Variants in LMO7 observed in about 807,000 individuals in gnomAD.
The protein encoded by LMO7 is LIM domain 7.
In LMO7, 120 loss-of-function variants were observed where a neutral mutation model predicts 206.5. That is an observed-to-expected ratio of 0.58 (90% CI 0.50 to 0.68). The LOEUF (loss-of-function observed/expected upper bound fraction) is 0.68. Among genes scored for constraint, LMO7 ranks in the 30% least tolerant of loss-of-function variants. The pLI, the probability that LMO7 is intolerant of heterozygous loss-of-function variation, is 0.00. For missense variants in LMO7, 1,959 were observed against 1,957.9 expected (o/e 1.00, Z -0.01); for synonymous variants, 706 against 681.5 (o/e 1.04, Z -0.56).
At chr13:75,632,312 T>C (rs1235041238), upstream of LMO7, among the ~76,000 whole-genome samples, 1 of 152,196 alleles carries the variant, frequency 6.6e-6, no homozygotes, top group African/African-American at 2.4e-5. Flanking sequence ...AAGCAGTGAT[T>C]GGTGCCTGAG....
In LMO7 at chr13:75,621,849, CAG is replaced by C. The variant is rs1566243335; in HGVS notation, c.159_160del (p.Arg53SerfsTer12). 6.3e-7 allele frequency: 1 copy of C among 1,598,240 alleles called. No individual in the cohort carries two copies. The highest frequency in any genetic ancestry group is 1.7e-5 in the Admixed American group (1 of 57,406). On this transcript the variant is annotated frameshift_variant, in exon 1 of 30. Coordinates refer to the LMO7 transcript ENST00000341547. LOFTEE classifies it high-confidence loss of function. ...GTGTGGGTTGGCTGTATCTCAGGGACAGAGTCTGCAGCAAAAAAGGTAATAAT... is the reference window on the plus strand; with the variant it reads ...GTGTGGGTTGGCTGTATCTCAGGGACAGTCTGCAGCAAAAAAGGTAATAAT...
chr13:75,755,260 TC>T (rs949502283), intron 3 of LMO7, among the ~76,000 whole-genome samples: 2 of 152,208 alleles, frequency 1.3e-5, no homozygotes, highest in African/African-American at 4.8e-5. Flanking sequence ...CCATGAAATG[TC>T]CACTTTATTT....
rs568006232 is a variant in LMO7 at position 75,823,378 on chromosome 13, A to G, written c.2641-187A>G. On this transcript the variant is annotated intron_variant, in intron 14 of 30. Transcript: ENST00000377534. ...TATGTGATATGAATGCTTTTGCTAA[A>G]ACAATTTTCCCTCACTACGTGTTTA... Among the ~76,000 whole-genome samples, 5 of 152,312 alleles carry G rather than the reference A, an allele frequency of 3.3e-5. No homozygotes were observed. The South Asian group carries it at 1.0e-3, about 32-fold the overall frequency.
intron 2 of LMO7, among the ~76,000 whole-genome samples, chr13:75,629,279 T>C (rs371639800): frequency 6.6e-6 from 1 of 152,202 alleles, no homozygotes; most frequent in Admixed American, 6.5e-5. Flanking sequence ...TTATAGGTTT[T>C]ACATATACAC....
intron 27 of LMO7, among the ~76,000 whole-genome samples, chr13:75,851,240 C>G (rs1224244948): frequency 1.3e-5 from 2 of 152,106 alleles, no homozygotes; most frequent in East Asian, 3.8e-4. Flanking sequence ...GACGATAGTT[C>G]TAAGATAATA....
At chr13:75,746,144 A>G (rs2046819666) in intron 3 of LMO7, among the ~76,000 whole-genome samples, 1 of 152,108 alleles carries the variant, frequency 6.6e-6, no homozygotes. Flanking sequence ...GAGGGAATTG[A>G]GGGGCTTTTG....
At chr13:75,635,923 G>T (rs1270251897), upstream of LMO7, 4 of 152,238 alleles carry the variant, frequency 2.6e-5, 1 homozygote, top group African/African-American at 7.2e-5. Context: ...CCCAGCGGGG[G>T]AGGTTTCTTG....
upstream of LMO7, among the ~76,000 whole-genome samples, chr13:75,633,371 G>C (rs1322559125): frequency 2.0e-5 from 3 of 152,132 alleles, no homozygotes; most frequent in African/African-American, 7.2e-5. Context: ...ACTAGAGATA[G>C]TGCCAATAAA....
At chr13:75,724,066 C>T (rs533589583) in intron 2 of LMO7, among the ~76,000 whole-genome samples, 57 of 152,190 alleles carry the variant, frequency 3.7e-4, no homozygotes, top group African/African-American at 1.3e-3. Flanking sequence ...ACCTAATCAC[C>T]TTCCAGGGGC....
rs2141019832 is a variant in LMO7 at position 75,805,638 on chromosome 13, G to A, written c.1074G>A (p.Met358Ile). The change falls in exon 9 of 31, where the codon ATG (methionine) becomes ATA (isoleucine). Residue 358 changes from methionine to isoleucine, a missense_variant. Coordinates refer to ENST00000377534, the MANE Select transcript of LMO7 (RefSeq NM_001306080.2). ...DLYVRKLSPV[M>I]PNPGNAFDQF... ...ATGTGCGCAAGCTCAGTCCAGTCAT[G>A]CCAAACCCAGGGAATGCTTTTGATC... 6.2e-7 allele frequency: 1 copy of A among 1,614,078 alleles called. No homozygotes were observed. Among genetic ancestry groups the A allele is most frequent in the East Asian group, 2.2e-5 (1 of 44,888 alleles).
At chr13:75,633,631 A>G (rs1185643350), upstream of LMO7, among the ~76,000 whole-genome samples, 1 of 152,094 alleles carries the variant, frequency 6.6e-6, no homozygotes, top group African/African-American at 2.4e-5. Flanking sequence ...GGGAGTGTGG[A>G]GGAGGAGGAG....
chr13:75,786,058 T>G lies in LMO7; in HGVS notation c.318-9343T>G, dbSNP rs565406683. On this transcript the variant is annotated intron_variant, in intron 4 of 30. Transcript: ENST00000377534. ...GTGTGTGGCGTGAATGTGTGTGAGA[T>G]GTAGAGATGGGTAAGAAGATGACCC... Among the ~76,000 whole-genome samples the G allele has an allele frequency of 2.4e-4, 37 of 152,290 alleles. No individual in the cohort carries two copies. The East Asian group carries it at 6.8e-3, about 28-fold the overall frequency.
intron 27 of LMO7, among the ~76,000 whole-genome samples, chr13:75,851,390 A>T (rs764821550): frequency 1.4e-4 from 21 of 152,200 alleles, no homozygotes; most frequent in South Asian, 2.1e-4. Context: ...ATGTGTAAAT[A>T]TGTGCTTGCA....
chr13:75,853,623 T>C (rs2060670144), intron 28 of LMO7, among the ~76,000 whole-genome samples: 1 of 152,252 alleles, frequency 6.6e-6, no homozygotes, highest in Non-Finnish European at 1.5e-5. Context: ...AGGTGTCTAC[T>C]TGTTGCCATC....
intron 4 of LMO7, among the ~76,000 whole-genome samples, chr13:75,783,011 A>G (rs1018520175): frequency 6.6e-6 from 1 of 152,136 alleles, no homozygotes; most frequent in Admixed American, 6.5e-5. Context: ...CTCCCACTGA[A>G]CTCAATAAAT....
In LMO7 at chr13:75,819,480, G is replaced by T; in HGVS notation, c.2152G>T (p.Ala718Ser). The change falls in exon 13 of 31, where the codon GCA (alanine) becomes TCA (serine). Residue 718 changes from alanine to serine, a missense_variant. By Grantham distance (99) the Ala-to-Ser change is moderately conservative (BLOSUM62 1). Coordinates refer to ENST00000377534, the MANE Select transcript of LMO7 (RefSeq NM_001306080.2). ...AGAGAGAGAAGAAATTGAAAAGCAG[G>T]CACTTGAGAAGTCTAAGAGAAGCTC... The part of the protein sequence containing the change: ...KEEREEIEKQ[A>S]LEKSKRSSKT... 6.2e-7 allele frequency: 1 copy of T among 1,613,286 alleles called. No individual in the cohort carries two copies. The highest frequency in any genetic ancestry group is 8.5e-7 in the Non-Finnish European group (1 of 1,179,790).
rs144453163 is a variant in LMO7, at chr13:75,838,076, G to C, written c.3395-64G>C. Reference sequence around the variant, plus strand: ...AGATTGGAAAGGTATATCAAGTATCGTTTAATTTACCAATGGTGAGAAATA... The same window carrying C: ...AGATTGGAAAGGTATATCAAGTATCCTTTAATTTACCAATGGTGAGAAATA... On this transcript the variant is annotated intron_variant, in intron 19 of 30. Transcript: ENST00000377534. 4.2e-6 allele frequency: 4 copies of C among 958,770 alleles called. No individual in the cohort carries two copies. In the African/African-American group the frequency reaches 6.5e-5, roughly 16 times the overall value. 59.4% of individuals were successfully genotyped at this position (958,770 alleles called of 1,614,324 possible). A position where few individuals can be genotyped will look rare whatever the true frequency, so the allele number is the denominator to read the frequency against.
chr13:75,855,340 G>A lies in LMO7; in HGVS notation c.4742G>A (p.Gly1581Asp). 3 of 1,613,350 alleles carry A rather than the reference G, an allele frequency of 1.9e-6. No homozygotes were observed. Among genetic ancestry groups the A allele is most frequent in the Non-Finnish European group, 2.5e-6 (3 of 1,179,362 alleles). ...KGAAMIIESLGLCYHLHCFKC... is the reference protein window; with the variant it reads ...KGAAMIIESLDLCYHLHCFKC... ...GCCGCCATGATCATCGAGTCCCTGG[G>A]TCTTTGTTATCATTTGCATTGTTTT... Residue 1581 changes from glycine (G) to aspartate (D), a missense_variant, in exon 29 of 31, where the codon GGT becomes GAT. Gly to Asp is a moderately conservative substitution (Grantham distance 94). Coordinates refer to ENST00000377534, the MANE Select transcript of LMO7 (RefSeq NM_001306080.2).
intron 3 of LMO7, among the ~76,000 whole-genome samples, chr13:75,731,693 G>C (rs560831175): frequency 3.0e-4 from 46 of 151,672 alleles, no homozygotes; most frequent in African/African-American, 1.1e-3. Flanking sequence ...TGGTTATTTT[G>C]CTCGTTAGTT....
Sources: allele counts gnomAD v4.1 joint callset (sites outside exome capture counted in the v4.1 genomes callset), GRCh38; gene constraint gnomAD v4.1.1; transcripts MANE v1.5; gene names NCBI Gene and HGNC (gene_info 2026-07-23, HGNC 2026-07-21).